FMN1: variants seen among roughly 807,000 people sequenced by gnomAD.
FMN1 encodes formin-1.
A neutral mutation model predicts 132.4 loss-of-function variants in FMN1; 110 were observed. The ratio of observed to expected loss-of-function variants is 0.83; its 90% CI spans 0.71 to 0.97. The LOEUF (loss-of-function observed/expected upper bound fraction) is 0.97, where lower values mean the gene tolerates loss of function less well. FMN1 is among the 50% of genes least tolerant of loss of function. The pLI is 0.00. For synonymous variants in FMN1, 722 were observed against 651.7 expected, an observed-to-expected ratio of 1.11 and a Z score of -1.64; for missense variants, 1,792 against 1,705.3, an observed-to-expected ratio of 1.05 and a Z score of -0.90.
At chr15:32,982,290 C>T (rs982995550) in intron 7 of FMN1, among the ~76,000 whole-genome samples, 1 of 152,138 alleles carries the variant, frequency 6.6e-6, no homozygotes, top group Admixed American at 6.5e-5. Flanking sequence ...GAATGTGGAA[C>T]AACTAGAACT....
chr15:32,955,582 T>C (rs868058491), intron 9 of FMN1, among the ~76,000 whole-genome samples: 2 of 152,132 alleles, frequency 1.3e-5, no homozygotes. Flanking sequence ...ATGGCCTGGA[T>C]TGAGGATAAA....
At chr15:33,002,418 G>C (rs757769830) in intron 7 of FMN1, among the ~76,000 whole-genome samples, 2 of 152,222 alleles carry the variant, frequency 1.3e-5, no homozygotes, top group Non-Finnish European at 2.9e-5. Context: ...ACAGGTAGGG[G>C]TGATATTCAG....
intron 4 of FMN1, among the ~76,000 whole-genome samples, chr15:33,101,248 T>G (rs1409825284): frequency 6.6e-6 from 1 of 152,198 alleles, no homozygotes; most frequent in Non-Finnish European, 1.5e-5. Flanking sequence ...GCCAATGATG[T>G]ATTATTTCAA....
chr15:33,102,383 T>C (rs1418985797), intron 4 of FMN1, among the ~76,000 whole-genome samples: 2 of 152,150 alleles, frequency 1.3e-5, no homozygotes, highest in Non-Finnish European at 2.9e-5. Context: ...ATAAAAGTTT[T>C]CTTTCAAACT....
chr15:33,146,852 T>A (rs1964240867), intron 4 of FMN1, among the ~76,000 whole-genome samples: 1 of 151,882 alleles, frequency 6.6e-6, no homozygotes, highest in Admixed American at 6.6e-5. Flanking sequence ...GTATCTGCTG[T>A]TTTCAAAAAG....
At chr15:32,788,753 A>G (rs1426480985) in intron 19 of FMN1, among the ~76,000 whole-genome samples, 1 of 152,218 alleles carries the variant, frequency 6.6e-6, no homozygotes, top group Admixed American at 6.5e-5. Context: ...ATGCTCTCTA[A>G]GGTTTTGATT....
chr15:32,885,379 GATCT>G (rs2059871905), intron 16 of FMN1, among the ~76,000 whole-genome samples: 2 of 152,142 alleles, frequency 1.3e-5, no homozygotes, highest in African/African-American at 2.4e-5. Context: ...CTTTCTGTCT[GATCT>G]CCAATCAGAT....
At chr15:32,917,536 G>A (rs1027431374) in intron 10 of FMN1, among the ~76,000 whole-genome samples, 2 of 152,190 alleles carry the variant, frequency 1.3e-5, no homozygotes, top group Non-Finnish European at 2.9e-5. Context: ...CTCTGTACCA[G>A]GCATTGTTCT....
At chr15:32,917,457 G>A (rs545913800) in intron 10 of FMN1, among the ~76,000 whole-genome samples, 1 of 152,278 alleles carries the variant, frequency 6.6e-6, no homozygotes, top group South Asian at 2.1e-4. Flanking sequence ...TCCACCACAG[G>A]GTGAGGACAG....
intron 3 of FMN1, among the ~76,000 whole-genome samples, chr15:33,176,129 C>T (rs1005304771): frequency 6.6e-6 from 1 of 152,084 alleles, no homozygotes; most frequent in Non-Finnish European, 1.5e-5. Context: ...AATCCCAGCA[C>T]TTTGGGAGGC....
chr15:33,105,128 A>G (rs1254153451), intron 4 of FMN1, among the ~76,000 whole-genome samples: 1 of 152,086 alleles, frequency 6.6e-6, no homozygotes, highest in East Asian at 1.9e-4. Flanking sequence ...AAGGGTTAAT[A>G]TTAAACATTT....
At chr15:32,888,051 G>A (rs2059935924) in intron 16 of FMN1, 121 bp downstream of exon 16, 5 of 735,692 alleles carry the variant, frequency 6.8e-6, no homozygotes, top group Admixed American at 6.8e-5. Flanking sequence ...GAAAGCTGTA[G>A]TGTACCATTG....
At chr15:33,151,333 T>C in intron 4 of FMN1, 8 of 1,536,642 alleles carry the variant, frequency 5.2e-6, no homozygotes, top group Non-Finnish European at 5.2e-6. Context: ...TGCTTACAGT[T>C]CTTATGACTG....
intron 17 of FMN1, among the ~76,000 whole-genome samples, chr15:32,810,206 C>T (rs144373757): frequency 0.012 from 1,810 of 152,300 alleles, 37 homozygotes; most frequent in African/African-American, 0.041. Flanking sequence ...CGTGAGCCAC[C>T]GTGCCCAGCC....
intron 17 of FMN1, among the ~76,000 whole-genome samples, chr15:32,805,486 G>A (rs1471043445): frequency 1.3e-5 from 2 of 152,130 alleles, no homozygotes; most frequent in African/African-American, 4.8e-5. Context: ...CTTCTGCTGT[G>A]CAGAAGCTCT....
chr15:32,928,107 C>T (rs1037162086), intron 9 of FMN1, among the ~76,000 whole-genome samples: 38 of 151,802 alleles, frequency 2.5e-4, no homozygotes, highest in African/African-American at 8.5e-4. Flanking sequence ...TTTTCCTTTA[C>T]CTGTTCAGAA....
In FMN1 at chr15:32,830,602, A is replaced by G. The variant is rs569458794; in HGVS notation, c.3929-26270T>C. Among the ~76,000 whole-genome samples, 7 of 152,322 alleles carry G rather than the reference A, an allele frequency of 4.6e-5. No individual in the cohort carries two copies. In the East Asian group the frequency reaches 1.3e-3, roughly 29 times the overall value. ...GGTAAGTAAAGAGGATACTATAAAT[A>G]AAGTGTGAAATAGACATCTTCCCTC... On this transcript the variant is annotated intron_variant, in intron 17 of 20. Coordinates refer to ENST00000616417, the MANE Select transcript of FMN1 (RefSeq NM_001277313.2).
chr15:33,018,876 C>T (rs1046392578), intron 6 of FMN1, among the ~76,000 whole-genome samples: 1 of 152,068 alleles, frequency 6.6e-6, no homozygotes, highest in African/African-American at 2.4e-5. Flanking sequence ...TGGAGTTGTT[C>T]GATCCTCCGG....
At chr15:33,034,182 T>G (rs750958883) in intron 6 of FMN1, among the ~76,000 whole-genome samples, 1 of 152,204 alleles carries the variant, frequency 6.6e-6, no homozygotes, top group African/African-American at 2.4e-5. Flanking sequence ...TCCTCATACA[T>G]GTCAAATTGA....
Sources: gnomAD v4.1 joint callset for allele counts (sites outside exome capture counted in the v4.1 genomes callset) on GRCh38, gnomAD v4.1.1 for gene constraint, MANE v1.5 for transcripts, NCBI Gene and HGNC (gene_info 2026-07-23, HGNC 2026-07-21) for gene names.